The following ZNF804B variants were observed in gnomAD, a reference collection of about 807,000 sequenced individuals.
The protein encoded by ZNF804B is zinc finger 804B.
A neutral mutation model predicts 101.4 loss-of-function variants in ZNF804B; 80 were observed. The ratio of observed to expected loss-of-function variants is 0.79; its 90% CI spans 0.66 to 0.95. The LOEUF is 0.95. Among genes scored for constraint, ZNF804B ranks in the 40% least tolerant of loss-of-function variants. The probability of loss-of-function intolerance (pLI) is 0.00; values close to 1 mark genes in which losing one functional copy is unlikely to be tolerated. For synonymous variants in ZNF804B, 622 were observed against 558.8 expected (o/e 1.11, Z -1.59); for missense variants, 1,673 against 1,561.9 (o/e 1.07, Z -1.20).
chr7:88,832,336 C>T (rs1189927857), intron 1 of ZNF804B, among the ~76,000 whole-genome samples: 1 of 151,948 alleles, frequency 6.6e-6, no homozygotes, highest in Non-Finnish European at 1.5e-5. Context: ...TACCTTAAAA[C>T]ACATACTGAA....
chr7:88,984,579 C>G (rs1177690123), intron 1 of ZNF804B, among the ~76,000 whole-genome samples: 1 of 151,758 alleles, frequency 6.6e-6, no homozygotes, highest in South Asian at 2.1e-4. Context: ...GCCCTTTTTT[C>G]TCTGACTTTA....
intron 1 of ZNF804B, among the ~76,000 whole-genome samples, chr7:89,084,466 A>G (rs1402835291): frequency 1.3e-5 from 2 of 151,860 alleles, no homozygotes; most frequent in African/African-American, 2.4e-5. Flanking sequence ...ATTATATCAG[A>G]TTTTTCAGGT....
At chr7:89,278,419 C>T (rs182424683) in intron 2 of ZNF804B, among the ~76,000 whole-genome samples, 1,566 of 150,346 alleles carry the variant, frequency 0.01, 31 homozygotes, top group African/African-American at 0.036. Flanking sequence ...ACATGAAGTC[C>T]TTGCCCGTGC....
chr7:88,805,340 A>T (rs972474588), intron 1 of ZNF804B, among the ~76,000 whole-genome samples: 4 of 152,230 alleles, frequency 2.6e-5, no homozygotes, highest in Non-Finnish European at 4.4e-5. Flanking sequence ...TAACTAGAGT[A>T]GCAGTATAGT....
chr7:88,910,621 A>ATT (rs1281877180), intron 1 of ZNF804B, among the ~76,000 whole-genome samples: 7 of 151,878 alleles, frequency 4.6e-5, no homozygotes, highest in Admixed American at 4.6e-4. Context: ...CTATTTTACA[A>ATT]TTTAAGACAC....
At chr7:88,814,104 A>G (rs190602766) in intron 1 of ZNF804B, among the ~76,000 whole-genome samples, 4 of 152,284 alleles carry the variant, frequency 2.6e-5, no homozygotes, top group East Asian at 3.9e-4. Flanking sequence ...TATGTTATAT[A>G]TTCTGCTCTT....
intron 1 of ZNF804B, among the ~76,000 whole-genome samples, chr7:88,956,787 G>A (rs17165773): frequency 0.097 from 14,745 of 151,252 alleles, 983 homozygotes; most frequent in East Asian, 0.2. Context: ...AATCATATTG[G>A]TAAGACTCCA....
chr7:89,281,611 T>G (rs1048051772), intron 2 of ZNF804B, among the ~76,000 whole-genome samples: 1 of 152,116 alleles, frequency 6.6e-6, no homozygotes, highest in Admixed American at 6.5e-5. Flanking sequence ...TATGGCAAAG[T>G]CAAGTATAAT....
At chr7:89,061,984 G>A (rs924118859) in intron 1 of ZNF804B, among the ~76,000 whole-genome samples, 3 of 151,804 alleles carry the variant, frequency 2.0e-5, no homozygotes, top group Admixed American at 6.6e-5. Context: ...ATTCCTAGGG[G>A]GTCAGTTATT....
At chr7:89,036,582 C>G (rs1788931592) in intron 1 of ZNF804B, among the ~76,000 whole-genome samples, 1 of 152,008 alleles carries the variant, frequency 6.6e-6, no homozygotes, top group Non-Finnish European at 1.5e-5. Flanking sequence ...TTGTATTTTA[C>G]AAAACTATGT....
intron 1 of ZNF804B, among the ~76,000 whole-genome samples, chr7:89,092,208 T>C (rs1789900139): frequency 3.3e-5 from 5 of 151,442 alleles, no homozygotes; most frequent in Admixed American, 3.3e-4. Context: ...CTCGGGGGTC[T>C]CTCTACGGGC....
intron 1 of ZNF804B, among the ~76,000 whole-genome samples, chr7:89,069,860 A>C (rs73216663): frequency 2.0e-5 from 3 of 152,264 alleles, no homozygotes; most frequent in African/African-American, 4.8e-5. Context: ...CAGTATTATC[A>C]TCTGAAAATT....
At chr7:88,844,897 C>T (rs1791346204) in intron 1 of ZNF804B, among the ~76,000 whole-genome samples, 1 of 152,130 alleles carries the variant, frequency 6.6e-6, no homozygotes, top group South Asian at 2.1e-4. Context: ...ACCATTTTGT[C>T]TCTTGAATAA....
At chr7:89,103,335 A>G (rs10243989) in intron 1 of ZNF804B, among the ~76,000 whole-genome samples, 13,067 of 151,192 alleles carry the variant, frequency 0.086, 1,220 homozygotes, top group African/African-American at 0.23. Context: ...TATTTTAATG[A>G]TATTGATTCT....
chr7:89,097,244 C>G (rs1410514887), intron 1 of ZNF804B, among the ~76,000 whole-genome samples: 5 of 152,216 alleles, frequency 3.3e-5, no homozygotes, highest in African/African-American at 1.2e-4. Flanking sequence ...TTCTGTGACT[C>G]TTTCTTGCTG....
Position 89,337,091 on chromosome 7 carries a change from T to C in ZNF804B, c.*59T>C. ...TTAATTGTCACTACCTATAAAATCA[T>C]ACATTTAAAGAAGTCTGTCAATTAT... On this transcript the variant is annotated 3_prime_UTR_variant, in exon 4 of 4. Transcript: ENST00000333190. The C allele has an allele frequency of 6.8e-7, 1 of 1,474,370 alleles. No individual in the cohort carries two copies. The highest frequency in any genetic ancestry group is 9.1e-7 in the Non-Finnish European group (1 of 1,095,506). The allele number at this position is 1,474,370 out of a possible 1,614,324, so 91.3% of individuals were successfully genotyped here.
chr7:88,872,188 A>G (rs1791837384), intron 1 of ZNF804B, among the ~76,000 whole-genome samples: 1 of 152,192 alleles, frequency 6.6e-6, no homozygotes, highest in African/African-American at 2.4e-5. Context: ...ATAGGCAAAC[A>G]CATTTAATTG....
At chr7:89,296,543 G>A (rs1790386918) in intron 2 of ZNF804B, among the ~76,000 whole-genome samples, 1 of 151,892 alleles carries the variant, frequency 6.6e-6, no homozygotes, top group Admixed American at 6.6e-5. Flanking sequence ...ATAAATTGTA[G>A]GTTTTTCTAC....
rs752101031 is a variant in ZNF804B at position 89,334,317 on chromosome 7, C to T, written c.1335C>T (p.His445=). ...NVASKPLPFL[H]VQSKDGHTTL... is the part of the protein sequence containing the mutation. ...CATCTAAACCACTACCTTTTCTCCA[C>T]GTTCAAAGCAAGGATGGCCACACCA... Residue 445 remains histidine (H), a synonymous_variant, in exon 4 of 4, where the codon CAC becomes CAT. Transcript: ENST00000333190. 2.0e-5 allele frequency: 32 copies of T among 1,613,710 alleles called. No homozygotes were observed. Among genetic ancestry groups the T allele is most frequent in the Admixed American group, 6.7e-5 (4 of 59,906 alleles).
Sources: gnomAD v4.1 joint callset for allele counts (sites outside exome capture counted in the v4.1 genomes callset) on GRCh38, gnomAD v4.1.1 for gene constraint, MANE v1.5 for transcripts, NCBI Gene and HGNC (gene_info 2026-07-23, HGNC 2026-07-21) for gene names.